The following NIM1K variants were observed in gnomAD, a reference collection of about 807,000 sequenced individuals.
The protein encoded by NIM1K is NIM1 serine/threonine protein kinase, also known as serine/threonine-protein kinase NIM1.
In NIM1K, 35 loss-of-function variants were observed where a neutral mutation model predicts 37.1. The ratio of observed to expected loss-of-function variants is 0.94; its 90% confidence interval spans 0.72 to 1.25. NIM1K has a LOEUF of 1.25. Ranked by LOEUF, NIM1K falls within the 50% of genes most tolerant of loss-of-function variation. The probability of loss-of-function intolerance (pLI) is 0.00; values close to 1 mark genes in which losing one functional copy is unlikely to be tolerated. For missense variants in NIM1K, 564 were observed against 548.0 expected (o/e 1.03, Z -0.29); for synonymous variants, 234 against 206.6 (o/e 1.13, Z -1.14).
At chr5:43,223,015 T>C (rs557513466) in intron 1 of NIM1K, among the ~76,000 whole-genome samples, 231 of 151,880 alleles carry the variant, frequency 1.5e-3, no homozygotes, top group African/African-American at 5.2e-3. Flanking sequence ...GGTGCATGCC[T>C]GTAATCCCAG....
At chr5:43,264,983 G>T (rs886719853) in intron 2 of NIM1K, among the ~76,000 whole-genome samples, 1 of 152,208 alleles carries the variant, frequency 6.6e-6, no homozygotes, top group Non-Finnish European at 1.5e-5. Context: ...TCTGCCGAGA[G>T]ATCTGCTGTT....
chr5:43,198,323 CCTTTCTGT>C lies in NIM1K; in HGVS notation c.-695+5927_-695+5934del, dbSNP rs1263888202. Among the ~76,000 whole-genome samples, 15 of 144,730 alleles carry C rather than the reference CCTTTCTGT, an allele frequency of 1.0e-4. 1 individual carries two copies. Among genetic ancestry groups the C allele is most frequent in the African/African-American group, 2.8e-4 (11 of 39,806 alleles). 94.9% of individuals were successfully genotyped at this position (144,730 alleles called of 152,430 possible). ...TCCTTACTTCCTTCCTCCCTTCCTT[CCTTTCTGT>C]CTTTCTGTCTTTCTTTCTTTCTGTC... On this transcript the variant is annotated intron_variant, in intron 1 of 3. Coordinates refer to ENST00000326035, the MANE Select transcript of NIM1K (RefSeq NM_153361.4).
chr5:43,212,711 C>T (rs922567214), intron 1 of NIM1K, among the ~76,000 whole-genome samples: 9 of 152,276 alleles, frequency 5.9e-5, no homozygotes, highest in Middle Eastern at 3.4e-3. Context: ...CAACTCTAAA[C>T]GTCTGGGAAC....
intron 1 of NIM1K, among the ~76,000 whole-genome samples, chr5:43,226,742 G>T (rs773903975): frequency 2.0e-5 from 3 of 152,216 alleles, no homozygotes; most frequent in Non-Finnish European, 4.4e-5. Context: ...ACCCCTCAGT[G>T]CATGGACCCT....
At chr5:43,214,830 A>G (rs886729854) in intron 1 of NIM1K, among the ~76,000 whole-genome samples, 25 of 147,878 alleles carry the variant, frequency 1.7e-4, no homozygotes, top group African/African-American at 5.9e-4. Flanking sequence ...AAAAAAAAAA[A>G]ACAAAAAAGA....
At chr5:43,229,505 TTATATC>T (rs1752506887) in intron 1 of NIM1K, among the ~76,000 whole-genome samples, 1 of 152,154 alleles carries the variant, frequency 6.6e-6, no homozygotes, top group African/African-American at 2.4e-5. Flanking sequence ...CCACTGTACT[TTATATC>T]TACCTATCTA....
At chr5:43,207,833 A>G in intron 1 of NIM1K, 1 of 339,970 alleles carries the variant, frequency 2.9e-6, no homozygotes, top group Non-Finnish European at 5.7e-6. Context: ...CCCTAACCAC[A>G]TGTGTTGCAA....
chr5:43,257,458 T>C (rs1752963541), intron 2 of NIM1K, among the ~76,000 whole-genome samples: 2 of 148,678 alleles, frequency 1.3e-5, no homozygotes, highest in Non-Finnish European at 3.0e-5. Context: ...ACCTCTGCCT[T>C]CTGGGTTCAA....
In NIM1K at chr5:43,245,997, C is replaced by A; in HGVS notation, c.222C>A (p.Tyr74Ter). 6.2e-7 allele frequency: 1 copy of A among 1,614,058 alleles called. No individual in the cohort carries two copies. Among genetic ancestry groups the A allele is most frequent in the Non-Finnish European group, 8.5e-7 (1 of 1,179,960 alleles). ...EITLGKRIGF[Y>*]RIRGEIGSGN... ...CGCTGGGGAAACGGATAGGCTTCTA[C>A]CGAATTCGAGGGGAAATCGGAAGTG... The change falls in exon 2 of 4, where the codon TAC becomes TAA. Residue 74 changes from tyrosine to a stop codon, truncating the protein, a stop_gained. Transcript: ENST00000326035. LOFTEE classifies it high-confidence loss of function.
chr5:43,193,986 TTTTTA>T (rs1751871692), intron 1 of NIM1K, among the ~76,000 whole-genome samples: 1 of 152,190 alleles, frequency 6.6e-6, no homozygotes, highest in African/African-American at 2.4e-5. Context: ...GTTGTTGTTT[TTTTTA>T]TTTTATTTTT....
At chr5:43,241,523 T>C (rs528294698) in intron 1 of NIM1K, among the ~76,000 whole-genome samples, 2 of 151,870 alleles carry the variant, frequency 1.3e-5, no homozygotes, top group African/African-American at 2.4e-5. Context: ...GTATTTTCAG[T>C]AGAGACGAGG....
At chr5:43,214,834 A>G (rs1050746752) in intron 1 of NIM1K, among the ~76,000 whole-genome samples, 3 of 150,926 alleles carry the variant, frequency 2.0e-5, no homozygotes, top group African/African-American at 7.3e-5. Context: ...AAAAAAAACA[A>G]AAAAGAAAAA....
At chr5:43,234,446 C>T (rs1752588906) in intron 1 of NIM1K, among the ~76,000 whole-genome samples, 1 of 152,106 alleles carries the variant, frequency 6.6e-6, no homozygotes, top group Non-Finnish European at 1.5e-5. Flanking sequence ...TCCATGTACT[C>T]ATCACCTAGC....
intron 2 of NIM1K, among the ~76,000 whole-genome samples, chr5:43,267,655 T>G (rs1178264320): frequency 6.6e-6 from 1 of 152,196 alleles, no homozygotes; most frequent in African/African-American, 2.4e-5. Context: ...TGTGTCATAT[T>G]ATCATTCATT....
In NIM1K at chr5:43,277,047, T is replaced by C. The variant is rs1753352480; in HGVS notation, c.293-10T>C. The C allele has an allele frequency of 2.5e-6, 4 of 1,612,250 alleles. No individual in the cohort carries two copies. The highest frequency in any genetic ancestry group is 3.4e-6 in the Non-Finnish European group (4 of 1,179,380). On this transcript the variant is annotated splice_polypyrimidine_tract_variant and intron_variant, in intron 2 of 3. Coordinates refer to ENST00000326035, the MANE Select transcript of NIM1K (RefSeq NM_153361.4). ...AATTCTGGCACAATTTTTACTTTTT[T>C]TCCTTGCAGAAAAGGTGGCCATTAA...
Position 43,269,733 on chromosome 5 carries a change from C to G in NIM1K, c.293-7324C>G, listed in dbSNP as rs1412201865. Among the ~76,000 whole-genome samples the G allele has an allele frequency of 3.3e-5, 5 of 152,090 alleles. No individual in the cohort carries two copies. The East Asian group carries it at 9.7e-4, about 29-fold the overall frequency. ...TCCTGGGTTCATGCCATTCTCCTGC[C>G]TCAGCCTCCCGAGTAGCTGGGACTA... is the stretch of plus-strand genomic sequence containing the variant. On this transcript the variant is annotated intron_variant, in intron 2 of 3. Transcript: ENST00000326035.
At chr5:43,270,022 A>G (rs983588839) in intron 2 of NIM1K, among the ~76,000 whole-genome samples, 1 of 152,220 alleles carries the variant, frequency 6.6e-6, no homozygotes, top group Non-Finnish European at 1.5e-5. Context: ...AAGTCCTTTT[A>G]GAATTTTGTG....
intron 1 of NIM1K, among the ~76,000 whole-genome samples, chr5:43,215,611 T>G (rs1345542431): frequency 1.3e-5 from 2 of 152,184 alleles, no homozygotes; most frequent in Non-Finnish European, 2.9e-5. Flanking sequence ...TTTTTGTATG[T>G]TTAGTAGAGA....
chr5:43,252,604 C>G (rs1043534297), intron 2 of NIM1K, among the ~76,000 whole-genome samples: 1 of 151,472 alleles, frequency 6.6e-6, no homozygotes, highest in African/African-American at 2.4e-5. Flanking sequence ...AAATACAAAG[C>G]ACCAAGTGCT....
Sources: gnomAD v4.1 joint callset for allele counts (sites outside exome capture counted in the v4.1 genomes callset) on GRCh38, gnomAD v4.1.1 for gene constraint, MANE v1.5 for transcripts, NCBI Gene and HGNC (gene_info 2026-07-23, HGNC 2026-07-21) for gene names.